Variants in CACNB4 observed in about 807,000 individuals in gnomAD.
The protein encoded by CACNB4 is calcium voltage-gated channel auxiliary subunit beta 4.
In CACNB4, 32 loss-of-function variants were observed where a neutral mutation model predicts 71.2. The ratio of observed to expected loss-of-function variants is 0.45; its 90% CI spans 0.34 to 0.60. The LOEUF is 0.60. CACNB4 is among the 20% of genes least tolerant of loss of function. The probability of loss-of-function intolerance (pLI) is 0.01; values close to 1 mark genes in which losing one functional copy is unlikely to be tolerated. For synonymous variants in CACNB4, 231 were observed against 236.9 expected, an observed-to-expected ratio of 0.97 and a Z score of 0.23; for missense variants, 464 against 647.9, an observed-to-expected ratio of 0.72 and a Z score of 3.08.
intron 2 of CACNB4, among the ~76,000 whole-genome samples, chr2:151,899,793 T>A (rs1440818839): frequency 1.3e-5 from 2 of 152,112 alleles, no homozygotes; most frequent in Admixed American, 1.3e-4. Flanking sequence ...GACAAATGCT[T>A]GTTGAAAAAT....
chr2:152,001,407 G>A (rs755848602), intron 2 of CACNB4, among the ~76,000 whole-genome samples: 7 of 150,468 alleles, frequency 4.7e-5, no homozygotes, highest in Non-Finnish European at 8.8e-5. Flanking sequence ...AGAACGAGTC[G>A]GCCAGGCACG....
Position 152,098,720 on chromosome 2 carries a change from G to A in CACNB4, c.63+229C>T. ...TGGGGGAGGCTGCGGGCTCCGGAGC[G>A]GGAGCGCAGAGACCCGAAGGAGGGT... On this transcript the variant is annotated intron_variant, in intron 1 of 13. Transcript: ENST00000539935. This position sits in a 1 kb window ranked among gnomAD's most constrained non-coding sequence, Gnocchi z 5.3. The A allele has an allele frequency of 1.9e-6, 3 of 1,551,954 alleles. No individual in the cohort carries two copies. Among genetic ancestry groups the A allele is most frequent in the South Asian group, 1.2e-5 (1 of 83,892 alleles).
chr2:151,949,429 G>A (rs2099866355), intron 2 of CACNB4, among the ~76,000 whole-genome samples: 1 of 152,142 alleles, frequency 6.6e-6, no homozygotes, highest in African/African-American at 2.4e-5. Context: ...GGAATTATGA[G>A]AGGCTTCTGG....
At chr2:152,013,360 C>G (rs1320980240) in intron 2 of CACNB4, among the ~76,000 whole-genome samples, 1 of 152,102 alleles carries the variant, frequency 6.6e-6, no homozygotes, top group South Asian at 2.1e-4. Flanking sequence ...CTAATTCACA[C>G]CAAACATACA....
chr2:152,000,336 T>C (rs955335819), intron 2 of CACNB4, among the ~76,000 whole-genome samples: 2 of 152,214 alleles, frequency 1.3e-5, no homozygotes, highest in African/African-American at 4.8e-5. Flanking sequence ...CACCATCTCT[T>C]GTTAGCAGTG....
intron 2 of CACNB4, among the ~76,000 whole-genome samples, chr2:152,081,333 C>A (rs1323342552): frequency 6.6e-6 from 1 of 151,964 alleles, no homozygotes; most frequent in East Asian, 1.9e-4. Flanking sequence ...TCTCACAGTC[C>A]CAGAGGCTAG....
chr2:152,035,275 C>T (rs764509140), intron 2 of CACNB4, among the ~76,000 whole-genome samples: 8 of 152,142 alleles, frequency 5.3e-5, no homozygotes, highest in Non-Finnish European at 1.0e-4. Context: ...AAAATATATT[C>T]GCAGGCCGGG....
intron 2 of CACNB4, among the ~76,000 whole-genome samples, chr2:151,889,198 G>T (rs951840029): frequency 3.9e-5 from 6 of 152,158 alleles, no homozygotes; most frequent in Non-Finnish European, 8.8e-5. Flanking sequence ...GCCAGGTGTG[G>T]TGGCTCATGC....
chr2:151,986,366 TCAAG>T (rs1388358539), intron 2 of CACNB4, among the ~76,000 whole-genome samples: 2 of 152,198 alleles, frequency 1.3e-5, no homozygotes, highest in Non-Finnish European at 2.9e-5. Flanking sequence ...TCCTTCCAAC[TCAAG>T]AAGAGCCTCT....
intron 2 of CACNB4, among the ~76,000 whole-genome samples, chr2:151,958,231 G>A (rs948009056): frequency 2.0e-5 from 3 of 152,130 alleles, no homozygotes; most frequent in African/African-American, 7.2e-5. Flanking sequence ...AATGTAAAAG[G>A]ATAATATATG....
intron 8 of CACNB4, 34 bp downstream of exon 8, chr2:151,870,497 T>C (rs2099844352): frequency 3.2e-6 from 5 of 1,565,398 alleles, no homozygotes; most frequent in Non-Finnish European, 4.4e-6. Flanking sequence ...GGGTGCTCGA[T>C]CAAGAACTGA....
At chr2:151,871,910 C>T (rs1261720925) in intron 6 of CACNB4, 1 of 159,082 alleles carries the variant, frequency 6.3e-6, no homozygotes, top group Non-Finnish European at 1.4e-5. Flanking sequence ...TCTTCATTAC[C>T]ATTAATTCCA....
chr2:152,015,747 T>C (rs559886676), intron 2 of CACNB4, among the ~76,000 whole-genome samples: 31 of 152,316 alleles, frequency 2.0e-4, no homozygotes, highest in African/African-American at 7.2e-4. Context: ...GCAACTACAG[T>C]AAACCTGCAC....
At chr2:151,915,441 G>A (rs903693544) in intron 2 of CACNB4, among the ~76,000 whole-genome samples, 2 of 152,196 alleles carry the variant, frequency 1.3e-5, no homozygotes, top group Non-Finnish European at 2.9e-5. Context: ...TGTCCCTCCC[G>A]CAAGGAGCTC....
intron 2 of CACNB4, among the ~76,000 whole-genome samples, chr2:151,884,501 G>A (rs1278533209): frequency 6.6e-6 from 1 of 150,488 alleles, no homozygotes; most frequent in Non-Finnish European, 1.5e-5. Context: ...AGGCGTGGTG[G>A]CGGGCGCCTG....
At chr2:152,049,392 G>A (rs1018843039) in intron 2 of CACNB4, among the ~76,000 whole-genome samples, 3 of 151,956 alleles carry the variant, frequency 2.0e-5, no homozygotes, top group East Asian at 1.9e-4. Flanking sequence ...CTCAAGTGAT[G>A]TGCCCGCCTC....
chr2:152,003,020 T>A (rs2151783108), intron 2 of CACNB4, among the ~76,000 whole-genome samples: 1 of 152,356 alleles, frequency 6.6e-6, no homozygotes, highest in Admixed American at 6.5e-5. Context: ...AAAGCATGCT[T>A]TCCACTCCCA....
intron 2 of CACNB4, among the ~76,000 whole-genome samples, chr2:152,013,690 C>T (rs1255930962): frequency 6.6e-6 from 1 of 152,192 alleles, no homozygotes; most frequent in African/African-American, 2.4e-5. Context: ...CCTCTTCATG[C>T]AACCATTACC....
intron 12 of CACNB4, among the ~76,000 whole-genome samples, chr2:151,844,375 G>A (rs1296040546): frequency 3.9e-5 from 6 of 152,186 alleles, no homozygotes; most frequent in East Asian, 3.9e-4. Context: ...GGGAAGTTAC[G>A]AGTAAGCCAA....
Sources: gnomAD v4.1 joint callset for allele counts (sites outside exome capture counted in the v4.1 genomes callset) on GRCh38, gnomAD v4.1.1 for gene constraint, Gnocchi (gnomAD v3.1) non-coding constraint, MANE v1.5 for transcripts, NCBI Gene and HGNC (gene_info 2026-07-23, HGNC 2026-07-21) for gene names.